Variants in OXCT1 observed in about 807,000 individuals in gnomAD.
OXCT1 encodes the protein 3-oxoacid CoA-transferase 1.
In OXCT1, 27 loss-of-function variants were observed where a neutral mutation model predicts 69.6. The observed-to-expected ratio is 0.39, with a 90% CI of 0.29 to 0.54. OXCT1 has a LOEUF of 0.54. OXCT1 is among the 20% of genes least tolerant of loss of function. The pLI, the probability that OXCT1 is intolerant of heterozygous loss-of-function variation, is 0.72. For missense variants in OXCT1, 437 were observed against 650.2 expected, an observed-to-expected ratio of 0.67 and a Z score of 3.57; for synonymous variants, 202 against 217.8, an observed-to-expected ratio of 0.93 and a Z score of 0.64.
At position 41,853,554 on chromosome 5, in the gene OXCT1, C is replaced by T; in HGVS notation, c.279G>A (p.Gly93=). Residue 93 remains glycine (G), a splice_region_variant and synonymous_variant, in exon 4 of 17, where the codon GGG becomes GGA. Coordinates refer to ENST00000196371, the MANE Select transcript of OXCT1 (RefSeq NM_000436.4). ...AAAGCCCCAAACCAAAATTGTCAAC[C>T]CTAGAAGGAAAATGAAGGGAGCTTA... The part of the protein sequence containing the change: ...KGLTAVSNNA[G]VDNFGLGLLL... The T allele has an allele frequency of 2.5e-6, 4 of 1,613,636 alleles. No homozygotes were observed. The highest frequency in any genetic ancestry group is 3.4e-6 in the Non-Finnish European group (4 of 1,179,818).
Position 41,751,529 on chromosome 5 carries a change from C to T in OXCT1, c.1339-1922G>A, listed in dbSNP as rs144863194. Among the ~76,000 whole-genome samples the T allele has an allele frequency of 2.0e-3, 312 of 152,270 alleles. 1 individual carries two copies. The highest frequency in any genetic ancestry group is 7.2e-3 in the African/African-American group (300 of 41,580). On this transcript the variant is annotated intron_variant, in intron 14 of 16. Transcript: ENST00000196371. ...GTGTAAAACCTGGCCATGCCCCCCA[C>T]TGTCTCTGTAAGAGCCACATGCCCA...
In OXCT1 at chr5:41,747,229, C is replaced by T. The variant is rs549972301; in HGVS notation, c.1419+2298G>A. 6.6e-5 allele frequency among the ~76,000 whole-genome samples: 10 copies of T among 152,176 alleles called. 1 individual carries two copies. The South Asian group carries it at 2.1e-3, about 32-fold the overall frequency. On this transcript the variant is annotated intron_variant, in intron 15 of 16. Coordinates refer to ENST00000196371, the MANE Select transcript of OXCT1 (RefSeq NM_000436.4). The stretch of plus-strand genomic sequence containing the variant: ...TTCCACCTCAGCCTTCAGAATCCAG[C>T]CATGCCCTTGCTCCAACCAGTTCCA...
intron 7 of OXCT1, among the ~76,000 whole-genome samples, chr5:41,832,133 T>A (rs1343962568): frequency 6.6e-6 from 1 of 152,232 alleles, no homozygotes; most frequent in Non-Finnish European, 1.5e-5. Context: ...AATGCAGACC[T>A]GGCTGGCTTC....
intron 14 of OXCT1, among the ~76,000 whole-genome samples, chr5:41,751,419 C>T (rs1380699864): frequency 6.6e-6 from 1 of 152,082 alleles, no homozygotes; most frequent in East Asian, 1.9e-4. Context: ...TGTGCCCTAC[C>T]AATGGAGACC....
At chr5:41,742,497 T>C (rs1055045409) in intron 15 of OXCT1, among the ~76,000 whole-genome samples, 2 of 152,234 alleles carry the variant, frequency 1.3e-5, no homozygotes, top group African/African-American at 4.8e-5. Flanking sequence ...ATTTTTTTAT[T>C]ACACTTTAAG....
intron 4 of OXCT1, among the ~76,000 whole-genome samples, chr5:41,850,455 C>A (rs1256465224): frequency 6.6e-6 from 1 of 152,082 alleles, no homozygotes; most frequent in Non-Finnish European, 1.5e-5. Flanking sequence ...TCTCTTGACA[C>A]ATTTAAATGT....
chr5:41,731,286 A>C lies in OXCT1; in HGVS notation c.*443T>G. 1.4e-6 allele frequency: 1 copy of C among 699,006 alleles called. No individual in the cohort carries two copies. 43.3% of individuals were successfully genotyped at this position (699,006 alleles called of 1,614,324 possible). ...ATAAAATCTGAAGCCCCAAAAGAAA[A>C]GTCAGAGGAGGCTGAAGAAAAAACA... On this transcript the variant is annotated 3_prime_UTR_variant, in exon 17 of 17. Coordinates refer to ENST00000196371, the MANE Select transcript of OXCT1 (RefSeq NM_000436.4).
At chr5:41,736,086 CA>C (rs1316911090) in intron 16 of OXCT1, among the ~76,000 whole-genome samples, 3 of 152,314 alleles carry the variant, frequency 2.0e-5, no homozygotes, top group Admixed American at 2.0e-4. Flanking sequence ...TCTACCTGTT[CA>C]GCTCCTTTCT....
At chr5:41,752,683 G>T (rs1031393393) in intron 14 of OXCT1, among the ~76,000 whole-genome samples, 2 of 152,076 alleles carry the variant, frequency 1.3e-5, no homozygotes, top group Non-Finnish European at 2.9e-5. Context: ...AGCCCAGGAG[G>T]TTGTAGTAAG....
intron 7 of OXCT1, among the ~76,000 whole-genome samples, chr5:41,818,053 T>C (rs1747333991): frequency 6.6e-6 from 1 of 152,224 alleles, no homozygotes; most frequent in Non-Finnish European, 1.5e-5. Flanking sequence ...GTTGTGTATG[T>C]TTTGAACCTG....
At chr5:41,739,723 T>G in intron 15 of OXCT1, 1 of 381,272 alleles carries the variant, frequency 2.6e-6, no homozygotes, top group Non-Finnish European at 5.0e-6. Context: ...AAAAAAAAAT[T>G]AGCTGGGCAT....
rs1329475299 is a variant in OXCT1 at position 41,870,116 on chromosome 5, G to C, written c.78+165C>G. 4.3e-6 allele frequency: 3 copies of C among 697,066 alleles called. No individual in the cohort carries two copies. Among genetic ancestry groups the C allele is most frequent in the Non-Finnish European group, 7.8e-6 (3 of 382,336 alleles). The allele number at this position is 697,066 out of a possible 1,614,324, so 43.2% of individuals were successfully genotyped here. On this transcript the variant is annotated intron_variant, in intron 1 of 16. Coordinates refer to ENST00000196371, the MANE Select transcript of OXCT1 (RefSeq NM_000436.4). This position sits in a 1 kb window ranked among gnomAD's most constrained non-coding sequence, Gnocchi z 4.2. ...AGGCGGTCATCCGAGGGGCCGGCGA[G>C]GCCAGGAACGCGTCGCCGCGTGTCC...
At chr5:41,732,072 CCT>C (rs1035937623) in intron 16 of OXCT1, among the ~76,000 whole-genome samples, 8 of 152,120 alleles carry the variant, frequency 5.3e-5, no homozygotes, top group African/African-American at 1.4e-4. Flanking sequence ...AACCAAGCCC[CCT>C]GTCAGATGGA....
intron 3 of OXCT1, among the ~76,000 whole-genome samples, chr5:41,855,378 A>C (rs542280304): frequency 1.4e-4 from 22 of 152,298 alleles, no homozygotes; most frequent in African/African-American, 4.1e-4. Context: ...AAACTCCATC[A>C]AACTGTATTT....
chr5:41,780,090 T>C (rs1232599229), intron 13 of OXCT1, among the ~76,000 whole-genome samples: 2 of 152,128 alleles, frequency 1.3e-5, no homozygotes, highest in South Asian at 2.1e-4. Flanking sequence ...AGAGAAGATA[T>C]AATAACAGTC....
At chr5:41,777,869 G>A (rs1745202126) in intron 13 of OXCT1, among the ~76,000 whole-genome samples, 1 of 152,174 alleles carries the variant, frequency 6.6e-6, no homozygotes, top group African/African-American at 2.4e-5. Flanking sequence ...GTTTCTAAGT[G>A]TTAATAAGTT....
At chr5:41,866,022 A>ACCCCCCCCC (rs61504704) in intron 1 of OXCT1, among the ~76,000 whole-genome samples, 1 of 116,288 alleles carries the variant, frequency 8.6e-6, no homozygotes, top group Non-Finnish European at 1.9e-5. Flanking sequence ...TGTACAGTAG[A>ACCCCCCCCC]CCCCCCCCCC....
chr5:41,828,090 G>A (rs958800309), intron 7 of OXCT1, among the ~76,000 whole-genome samples: 1 of 152,058 alleles, frequency 6.6e-6, no homozygotes, highest in Non-Finnish European at 1.5e-5. Flanking sequence ...ACATTCATCT[G>A]GCTGTGCAAT....
At chr5:41,743,768 T>G (rs959056547) in intron 15 of OXCT1, among the ~76,000 whole-genome samples, 4 of 152,208 alleles carry the variant, frequency 2.6e-5, no homozygotes, top group African/African-American at 9.7e-5. Context: ...TTTGTCAGGT[T>G]TGTCAAAGAT....
Sources: gnomAD v4.1 joint callset for allele counts (sites outside exome capture counted in the v4.1 genomes callset) on GRCh38, gnomAD v4.1.1 for gene constraint, Gnocchi (gnomAD v3.1) non-coding constraint, MANE v1.5 for transcripts, NCBI Gene and HGNC (gene_info 2026-07-23, HGNC 2026-07-21) for gene names.